The following RALYL variants were observed in gnomAD, a reference collection of about 807,000 sequenced individuals.
RALYL encodes the protein RALY RNA binding protein like.
Under a neutral mutation model 35.1 loss-of-function variants are expected in RALYL, and 29 were observed. The ratio of observed to expected loss-of-function variants is 0.83; its 90% CI spans 0.61 to 1.13. The LOEUF (loss-of-function observed/expected upper bound fraction) is 1.13, where lower values mean the gene tolerates loss of function less well. Ranked by LOEUF, RALYL falls within the 50% of genes most tolerant of loss-of-function variation. The probability of loss-of-function intolerance (pLI) is 0.00; values close to 1 mark genes in which losing one functional copy is unlikely to be tolerated. For missense variants in RALYL, 359 were observed against 360.4 expected (o/e 1.00, Z 0.03); for synonymous variants, 120 against 127.6 (o/e 0.94, Z 0.40).
chr8:84,241,777 C>CA (rs35007112), intron 1 of RALYL, among the ~76,000 whole-genome samples: 1,391 of 110,486 alleles, frequency 0.013, 21 homozygotes, highest in South Asian at 0.064. Flanking sequence ...GACTGTGTCT[C>CA]AAAAAAAAAA....
In RALYL at chr8:84,209,708, T is replaced by C. The variant is rs116169739; in HGVS notation, c.-24+25284T>C. Among the ~76,000 whole-genome samples the C allele has an allele frequency of 9.8e-3, 1,499 of 152,262 alleles. 30 individuals carry two copies. The highest frequency in any genetic ancestry group is 0.035 in the African/African-American group (1,456 of 41,540). ...GTGTTAGAAGTCCCTCAGTTTGTTT[T>C]ACAGTGCTATCAGGTGGGAACCAGT... On this transcript the variant is annotated intron_variant, in intron 1 of 8. Transcript: ENST00000521268.
intron 2 of RALYL, among the ~76,000 whole-genome samples, chr8:84,533,191 T>G (rs1392903938): frequency 6.6e-6 from 1 of 152,144 alleles, no homozygotes; most frequent in East Asian, 1.9e-4. Context: ...ATTTAACATA[T>G]CCTCTTAATA....
intron 2 of RALYL, among the ~76,000 whole-genome samples, chr8:84,693,966 A>C (rs1216930880): frequency 6.6e-6 from 1 of 151,890 alleles, no homozygotes; most frequent in Non-Finnish European, 1.5e-5. Flanking sequence ...AAAATAATGT[A>C]CCTCTACACA....
At chr8:84,849,244 T>C (rs899915347) in intron 4 of RALYL, among the ~76,000 whole-genome samples, 5 of 152,196 alleles carry the variant, frequency 3.3e-5, no homozygotes, top group African/African-American at 1.2e-4. Flanking sequence ...TATTAAGGTA[T>C]TGTTGGTAAG....
intron 7 of RALYL, among the ~76,000 whole-genome samples, chr8:84,883,062 A>G (rs78328303): frequency 0.05 from 7,564 of 152,034 alleles, 613 homozygotes; most frequent in African/African-American, 0.17. Flanking sequence ...GACAAAAGCT[A>G]TGTTGACTAC....
intron 1 of RALYL, among the ~76,000 whole-genome samples, chr8:84,511,593 T>C (rs2057627806): frequency 6.6e-6 from 1 of 152,188 alleles, no homozygotes; most frequent in African/African-American, 2.4e-5. Context: ...AAATTTACAA[T>C]ATGTTATTGT....
chr8:84,759,761 AATTG>A (rs1488087973), intron 2 of RALYL, among the ~76,000 whole-genome samples: 3 of 152,180 alleles, frequency 2.0e-5, no homozygotes, highest in Non-Finnish European at 4.4e-5. Flanking sequence ...ATAATTCAGA[AATTG>A]ATTATTTCAT....
At chr8:84,335,709 C>CTTTTT (rs548185561) in intron 1 of RALYL, among the ~76,000 whole-genome samples, 20,225 of 83,646 alleles carry the variant, frequency 0.24, 2,578 homozygotes, top group Middle Eastern at 0.27. Flanking sequence ...GTTTTCTTAC[C>CTTTTT]TTTTTTTTTT....
intron 1 of RALYL, among the ~76,000 whole-genome samples, chr8:84,317,127 A>G (rs1320832006): frequency 6.6e-6 from 1 of 152,172 alleles, no homozygotes; most frequent in Non-Finnish European, 1.5e-5. Context: ...AACTTGCACT[A>G]CATATTATTT....
chr8:84,209,290 G>GT (rs1339377357), intron 1 of RALYL, among the ~76,000 whole-genome samples: 1 of 152,112 alleles, frequency 6.6e-6, no homozygotes, highest in Non-Finnish European at 1.5e-5. Context: ...ATAAGTGCTG[G>GT]TTTTTTGTAA....
chr8:84,878,221 A>T (rs1841531101), intron 7 of RALYL, among the ~76,000 whole-genome samples: 1 of 152,182 alleles, frequency 6.6e-6, no homozygotes, highest in African/African-American at 2.4e-5. Context: ...CAGGGCTGGT[A>T]GACAATAAGG....
intron 1 of RALYL, among the ~76,000 whole-genome samples, chr8:84,190,846 AC>A (rs1338260254): frequency 6.6e-6 from 1 of 151,362 alleles, no homozygotes; most frequent in Non-Finnish European, 1.5e-5. Context: ...TAAGTCCTGC[AC>A]AGGTAGAAAT....
At chr8:84,284,402 C>T (rs1476204625) in intron 1 of RALYL, among the ~76,000 whole-genome samples, 1 of 152,054 alleles carries the variant, frequency 6.6e-6, no homozygotes, top group African/African-American at 2.4e-5. Context: ...TGATGTTAGG[C>T]TATATAAAAT....
intron 8 of RALYL, among the ~76,000 whole-genome samples, chr8:84,896,967 A>C (rs1157134710): frequency 6.6e-6 from 1 of 152,150 alleles, no homozygotes; most frequent in Admixed American, 6.5e-5. Context: ...CATGTCCCAA[A>C]TACTACATGA....
At chr8:84,426,267 C>T (rs1002657767) in intron 1 of RALYL, among the ~76,000 whole-genome samples, 1 of 152,070 alleles carries the variant, frequency 6.6e-6, no homozygotes, top group Non-Finnish European at 1.5e-5. Flanking sequence ...ACTTATTTAG[C>T]ATAAATCTCA....
At chr8:84,460,367 G>T (rs2050621082) in intron 1 of RALYL, among the ~76,000 whole-genome samples, 1 of 151,694 alleles carries the variant, frequency 6.6e-6, no homozygotes, top group Non-Finnish European at 1.5e-5. Flanking sequence ...TACTTGCAAA[G>T]TGAAGGCTGT....
At chr8:84,257,689 A>T (rs1157373770) in intron 1 of RALYL, among the ~76,000 whole-genome samples, 1 of 152,138 alleles carries the variant, frequency 6.6e-6, no homozygotes, top group Non-Finnish European at 1.5e-5. Flanking sequence ...GGCAACAGAC[A>T]CTTGTCATAC....
At chr8:84,656,225 A>G (rs1028428077) in intron 2 of RALYL, among the ~76,000 whole-genome samples, 5 of 152,248 alleles carry the variant, frequency 3.3e-5, no homozygotes, top group African/African-American at 7.2e-5. Context: ...TAGTTATACC[A>G]TGTGTCTTTG....
intron 2 of RALYL, among the ~76,000 whole-genome samples, chr8:84,582,167 A>G (rs1399611680): frequency 6.6e-6 from 1 of 152,138 alleles, no homozygotes; most frequent in Non-Finnish European, 1.5e-5. Flanking sequence ...TCTCCTATCT[A>G]TATATTTCAA....
Sources: allele counts gnomAD v4.1 joint callset (sites outside exome capture counted in the v4.1 genomes callset), GRCh38; gene constraint gnomAD v4.1.1; transcripts MANE v1.5; gene names NCBI Gene and HGNC (gene_info 2026-07-23, HGNC 2026-07-21).